Variants in PCDH11X observed in about 807,000 individuals in gnomAD.
PCDH11X encodes the protein protocadherin 11 X-linked.
Under a neutral mutation model 53.3 loss-of-function variants are expected in PCDH11X, and 18 were observed. The observed-to-expected ratio is 0.34, with a 90% CI of 0.23 to 0.50. PCDH11X has a LOEUF of 0.50. Among genes scored for constraint, PCDH11X ranks in the 20% least tolerant of loss-of-function variants. The probability of loss-of-function intolerance (pLI) is 0.98; values close to 1 mark genes in which losing one functional copy is unlikely to be tolerated. For synonymous variants in PCDH11X, 279 were observed against 393.3 expected (o/e 0.71, Z 3.44); for missense variants, 570 against 1,032.4 (o/e 0.55, Z 6.14).
At chrX:92,596,559 C>T (rs1925625027) in intron 10 of PCDH11X, among the ~76,000 whole-genome samples, 1 of 102,843 alleles carries the variant, frequency 9.7e-6, no homozygotes, top group Non-Finnish European at 2.0e-5. Flanking sequence ...GAGATCAAAA[C>T]TGTAATAAAA....
Position 92,179,903 on chromosome X carries a change from T to C in PCDH11X, c.3034-21472T>C, listed in dbSNP as rs2065967052. On this transcript the variant is annotated intron_variant, in intron 6 of 10. Coordinates refer to ENST00000682573, the MANE Select transcript of PCDH11X (RefSeq NM_032968.5). The stretch of plus-strand genomic sequence containing the variant: ...AGTGATCAGTTCTTATCTCACTTGA[T>C]CTACCTGCAACATGTGGATCACTTG... Among the ~76,000 whole-genome samples, 3 of 111,979 alleles carry C rather than the reference T, an allele frequency of 2.7e-5. No homozygotes were observed. The South Asian group carries it at 1.1e-3, about 42-fold the overall frequency.
intron 8 of PCDH11X, among the ~76,000 whole-genome samples, chrX:92,282,231 G>GACTAAGTTA (rs2068265794): frequency 9.0e-6 from 1 of 111,248 alleles, no homozygotes; most frequent in Non-Finnish European, 1.9e-5. Context: ...GCTAATAAAT[G>GACTAAGTTA]ACTAAGTTAG....
chrX:92,294,301 C>G (rs752358788), intron 8 of PCDH11X, among the ~76,000 whole-genome samples: 2 of 109,857 alleles, frequency 1.8e-5, no homozygotes, highest in South Asian at 8.1e-4. Context: ...ACCACCACGC[C>G]CAGCTGAAGT....
chrX:91,886,982 A>G (rs868257785), intron 6 of PCDH11X, among the ~76,000 whole-genome samples: 4 of 94,948 alleles, frequency 4.2e-5, no homozygotes, highest in Admixed American at 1.2e-4. Context: ...AAAAAAAAAA[A>G]AAAAGAAAAG....
intron 10 of PCDH11X, among the ~76,000 whole-genome samples, chrX:92,529,491 C>CT (rs2074517271): frequency 9.2e-6 from 1 of 109,042 alleles, no homozygotes; most frequent in African/African-American, 3.3e-5. Flanking sequence ...TAAAGAGCAA[C>CT]TATAGGAGTT....
Position 91,810,518 on chromosome X carries a change from G to A in PCDH11X, c.-164G>A, listed in dbSNP as rs1475770458. 2 of 111,909 alleles carry A rather than the reference G, an allele frequency of 1.8e-5. No individual in the cohort carries two copies. The highest frequency in any genetic ancestry group is 3.8e-5 in the Non-Finnish European group (2 of 53,168). 9.2% of individuals were successfully genotyped at this position (111,909 alleles called of 1,213,427 possible). On this transcript the variant is annotated 5_prime_UTR_variant, in exon 3 of 11. Transcript: ENST00000682573. ...GAAGGATTCCACAGATCACATACCG[G>A]AGAGGTTTTGCCTCAGCTGCTCTCA...
At chrX:92,194,581 A>C (rs758292743) in intron 6 of PCDH11X, among the ~76,000 whole-genome samples, 1 of 111,843 alleles carries the variant, frequency 8.9e-6, no homozygotes, top group Admixed American at 9.6e-5. Context: ...AGTAAACTTA[A>C]ATTATAAAAA....
chrX:92,085,232 C>A (rs1325101544), intron 6 of PCDH11X, among the ~76,000 whole-genome samples: 1 of 110,639 alleles, frequency 9.0e-6, no homozygotes, highest in Non-Finnish European at 1.9e-5. Context: ...TGAAACTTCG[C>A]TCTTTGCTAC....
chrX:92,333,865 G>T (rs961732402), intron 8 of PCDH11X, among the ~76,000 whole-genome samples: 1 of 73,001 alleles, frequency 1.4e-5, no homozygotes, highest in African/African-American at 5.5e-5. Flanking sequence ...TATTATCAGT[G>T]TTGAAAGTTT....
chrX:92,600,272 CAT>C (rs1306717618), intron 10 of PCDH11X, among the ~76,000 whole-genome samples: 2 of 109,938 alleles, frequency 1.8e-5, no homozygotes, highest in Non-Finnish European at 3.8e-5. Flanking sequence ...TTCTCCAGGA[CAT>C]GTCAGAGGTC....
At chrX:91,913,468 G>A (rs1348681390) in intron 6 of PCDH11X, among the ~76,000 whole-genome samples, 1 of 111,194 alleles carries the variant, frequency 9.0e-6, no homozygotes, top group Non-Finnish European at 1.9e-5. Context: ...ATACTGCACA[G>A]CAGAGGTGGC....
intron 6 of PCDH11X, chrX:92,113,233 G>A (rs2064558881): frequency 1.7e-6 from 2 of 1,183,239 alleles, no homozygotes; most frequent in East Asian, 6.0e-5. Flanking sequence ...TGGGTGGCAG[G>A]ACAGCCCCTC....
intron 10 of PCDH11X, among the ~76,000 whole-genome samples, chrX:92,612,432 T>G (rs1471101606): frequency 9.0e-6 from 1 of 111,015 alleles, no homozygotes; most frequent in African/African-American, 3.3e-5. Flanking sequence ...TCCTGTGGGA[T>G]CAGTTGCAAT....
At chrX:91,950,489 T>A (rs112130671) in intron 6 of PCDH11X, among the ~76,000 whole-genome samples, 1,831 of 103,411 alleles carry the variant, frequency 0.018, 38 homozygotes, top group African/African-American at 0.065. Flanking sequence ...CATTATTTTA[T>A]TATTTTTATG....
chrX:92,086,976 C>T (rs1212878007), intron 6 of PCDH11X, among the ~76,000 whole-genome samples: 1 of 110,171 alleles, frequency 9.1e-6, no homozygotes, highest in Admixed American at 9.8e-5. Context: ...GAGGAAGCAT[C>T]ACCAGACTGG....
chrX:92,416,390 A>AT (rs1297887243), intron 9 of PCDH11X, among the ~76,000 whole-genome samples: 4 of 111,124 alleles, frequency 3.6e-5, no homozygotes, highest in African/African-American at 1.3e-4. Flanking sequence ...TGATGTAATT[A>AT]TTTCACATTG....
In PCDH11X at chrX:92,003,013, A is replaced by C. The variant is rs1160311146; in HGVS notation, c.3033+123740A>C. ...TCAGTTTTTCACCATTCACTGTGAT[A>C]CTATGTATTAGTCTTTCATATATGG... On this transcript the variant is annotated intron_variant, in intron 6 of 10. Transcript: ENST00000682573. 4.2e-3 allele frequency among the ~76,000 whole-genome samples: 392 copies of C among 94,031 alleles called. 5 individuals are homozygous for C. The highest frequency in any genetic ancestry group is 0.014 in the African/African-American group (370 of 26,257). 81.7% of individuals were successfully genotyped at this position (94,031 alleles called of 115,157 possible). A position where few individuals can be genotyped will look rare whatever the true frequency, so the allele number is the denominator to read the frequency against.
chrX:92,288,114 G>T, intron 8 of PCDH11X: 1 of 439,421 alleles, frequency 2.3e-6, no homozygotes, highest in Non-Finnish European at 4.0e-6. Flanking sequence ...GTTCTTTATA[G>T]CTGTGTGAGA....
intron 6 of PCDH11X, among the ~76,000 whole-genome samples, chrX:92,199,761 C>A (rs2066358122): frequency 9.0e-6 from 1 of 111,087 alleles, no homozygotes; most frequent in Non-Finnish European, 1.9e-5. Context: ...ATAATTTTTT[C>A]TAATGTTTGA....
Sources: gnomAD v4.1 joint callset for allele counts (sites outside exome capture counted in the v4.1 genomes callset) on GRCh38, gnomAD v4.1.1 for gene constraint, MANE v1.5 for transcripts, NCBI Gene and HGNC (gene_info 2026-07-23, HGNC 2026-07-21) for gene names.